The following KATNB1 variants were observed in gnomAD, a reference collection of about 807,000 sequenced individuals.
KATNB1 encodes katanin regulatory subunit B1.
In KATNB1, 38 loss-of-function variants were observed where a neutral mutation model predicts 82.3. The observed-to-expected ratio is 0.46, with a 90% CI of 0.36 to 0.61. The LOEUF (loss-of-function observed/expected upper bound fraction) is 0.61, where lower values mean the gene tolerates loss of function less well. Among genes scored for constraint, KATNB1 ranks in the 20% least tolerant of loss-of-function variants. KATNB1 has a pLI of 0.00. For missense variants in KATNB1, 749 were observed against 915.7 expected (o/e 0.82, Z 2.35); for synonymous variants, 361 against 368.7 (o/e 0.98, Z 0.24).
Position 57,748,261 on chromosome 16 carries a change from C to A in KATNB1, c.290-2566C>A, listed in dbSNP as rs1246137708. On this transcript the variant is annotated intron_variant, in intron 4 of 19. Coordinates refer to ENST00000379661, the MANE Select transcript of KATNB1 (RefSeq NM_005886.3). ...AGCTAAGACCTCCGGCCCCCCTCCA[C>A]ACCCCCTCGCCAGAGTGCAGGTGAC... 3.3e-5 allele frequency among the ~76,000 whole-genome samples: 5 copies of A among 152,232 alleles called. No individual in the cohort carries two copies. In the East Asian group the frequency reaches 9.7e-4, roughly 29 times the overall value.
At chr16:57,754,697 G>A (rs1451002402) in intron 13 of KATNB1, among the ~76,000 whole-genome samples, 1 of 152,122 alleles carries the variant, frequency 6.6e-6, no homozygotes, top group African/African-American at 2.4e-5. Flanking sequence ...ACATCCTAGA[G>A]CCCCCTGGGT....
rs141797415 is a variant in KATNB1 at position 57,755,909 on chromosome 16, C to T, written c.1635C>T (p.Asn545=). The T allele has an allele frequency of 1.3e-3, 2,011 of 1,599,310 alleles. 8 individuals carry two copies. The highest frequency in any genetic ancestry group is 2.5e-3 in the South Asian group (222 of 90,386). ...TGGTGGACCTCCTGAACATCGTCAA[C>T]CAGAAAGCGTAAGTGGCTGCAGAGG... The part of the protein sequence containing the change: ...SVVVDLLNIV[N]QKASLWKLDL... Residue 545 remains asparagine, a synonymous_variant, in exon 17 of 20, where the codon AAC becomes AAT. Transcript: ENST00000379661.
At chr16:57,744,258 G>A (rs1555580609) in intron 3 of KATNB1, 136 bp from the exon 4 acceptor site, 2 of 715,438 alleles carry the variant, frequency 2.8e-6, no homozygotes, top group Non-Finnish European at 4.8e-6. Flanking sequence ...AGGAGGGCTA[G>A]GCTGTGGCCC....
At chr16:57,752,443 G>A (rs1567901464) in intron 8 of KATNB1, 87 bp from the exon 9 acceptor site, 5 of 1,248,492 alleles carry the variant, frequency 4.0e-6, no homozygotes, top group South Asian at 2.6e-5. Flanking sequence ...TGGGGGAGAG[G>A]TTTCTAGAGA....
intron 4 of KATNB1, 128 bp from the exon 5 acceptor site, chr16:57,750,697 ATG>A (rs1453829410): frequency 1.4e-6 from 1 of 709,094 alleles, no homozygotes; most frequent in African/African-American, 1.7e-5. Context: ...TGTTTTAAAA[ATG>A]TGTGTTATTG....
rs782211311 is a variant in KATNB1, at chr16:57,756,080, A to G, written c.1718+14A>G. 3 of 1,603,190 alleles carry G rather than the reference A, an allele frequency of 1.9e-6. No individual in the cohort carries two copies. The highest frequency in any genetic ancestry group is 1.1e-5 in the South Asian group (1 of 91,076). ...CAAGTATGAGAGGTGCGTGTGGGGA[A>G]GCCATGCCTGCCTGAAGCAGGGGGA... On this transcript the variant is annotated intron_variant, in intron 18 of 19. Coordinates refer to ENST00000379661, the MANE Select transcript of KATNB1 (RefSeq NM_005886.3).
chr16:57,752,435 GGGGAGAGGTTTCTAGA>G, intron 8 of KATNB1, 79 bp from the exon 9 acceptor site: 1 of 1,156,026 alleles, frequency 8.7e-7, no homozygotes, highest in Non-Finnish European at 1.3e-6. Flanking sequence ...CCCTGCCCTG[GGGGAGAGGTTTCTAGA>G]GAAAAGCTGG....
Position 57,755,441 on chromosome 16 carries a change from C to T in KATNB1, c.1513C>T (p.Arg505Cys), listed in dbSNP as rs373753943. ...HDTMCVVLTS[R>C]HKNLDTVRAV... ...CACCATGTGTGTGGTGCTCACCAGC[C>T]GCCACAAGAACCTGGACACTGTGCG... Residue 505 changes from arginine to cysteine, a missense_variant, in exon 16 of 20, where the codon CGC becomes TGC. Transcript: ENST00000379661. 5 of 1,613,310 alleles carry T rather than the reference C, an allele frequency of 3.1e-6. No individual in the cohort carries two copies. The highest frequency in any genetic ancestry group is 2.2e-5 in the East Asian group (1 of 44,900).
In KATNB1 at chr16:57,736,421, G is replaced by A. The variant is rs1246877184; in HGVS notation, c.-266-557G>A. On this transcript the variant is annotated intron_variant, in intron 1 of 19. Transcript: ENST00000379661. ...TGAGGAGGCCTTTTAGAGTTGAAGA[G>A]TCATAGCCACTTACGCCCAGACTGG... Among the ~76,000 whole-genome samples, 6 of 152,280 alleles carry A rather than the reference G, an allele frequency of 3.9e-5. No homozygotes were observed. The East Asian group carries it at 1.2e-3, about 29-fold the overall frequency.
chr16:57,737,391 C>G, intron 2 of KATNB1, 108 bp downstream of exon 2: 1 of 1,243,398 alleles, frequency 8.0e-7, no homozygotes, highest in Non-Finnish European at 1.2e-6. Context: ...CAGGAGGAGA[C>G]TCCTAGACTT....
chr16:57,755,262 CATGGGTGGAGGTCT>C (rs1555585430), intron 15 of KATNB1, 24 bp downstream of exon 15: 1 of 1,610,602 alleles, frequency 6.2e-7, no homozygotes, highest in South Asian at 1.1e-5. Flanking sequence ...CAGCTCGAGG[CATGGGTGGAGGTCT>C]GTGGGTGGAG....
At chr16:57,746,444 G>T (rs1297547915) in intron 4 of KATNB1, among the ~76,000 whole-genome samples, 1 of 152,178 alleles carries the variant, frequency 6.6e-6, no homozygotes, top group Non-Finnish European at 1.5e-5. Flanking sequence ...CTTGGGGTGG[G>T]TCTGCTTCCA....
chr16:57,741,626 C>G (rs569364384), intron 2 of KATNB1, 61 bp from the exon 3 acceptor site: 3 of 1,556,024 alleles, frequency 1.9e-6, no homozygotes, highest in Admixed American at 3.6e-5. Flanking sequence ...CAGGGTCACC[C>G]CTCCTTCACA....
rs141702977 is a variant in KATNB1, at chr16:57,742,336, A to G, written c.171+519A>G. Among the ~76,000 whole-genome samples, 1,114 of 152,386 alleles carry G rather than the reference A, an allele frequency of 7.3e-3. 14 individuals are homozygous for G. The highest frequency in any genetic ancestry group is 0.026 in the African/African-American group (1,061 of 41,588). Reference sequence around the variant, plus strand: ...CACTATTTATGCAGCTATATGTTCAATGCTGGAAACTGTTTTCCAAATAGG... The same window carrying G: ...CACTATTTATGCAGCTATATGTTCAGTGCTGGAAACTGTTTTCCAAATAGG... On this transcript the variant is annotated intron_variant, in intron 3 of 19. Coordinates refer to ENST00000379661, the MANE Select transcript of KATNB1 (RefSeq NM_005886.3).
intron 4 of KATNB1, among the ~76,000 whole-genome samples, chr16:57,746,236 G>A (rs2049183113): frequency 6.6e-6 from 1 of 152,008 alleles, no homozygotes; most frequent in African/African-American, 2.4e-5. Flanking sequence ...AATTTGGAAG[G>A]TGCAGCTTTT....
intron 17 of KATNB1, 21 bp from the exon 18 acceptor site, chr16:57,755,971 G>GC: frequency 6.2e-7 from 1 of 1,613,118 alleles, no homozygotes; most frequent in South Asian, 1.1e-5. Context: ...GCTGATGGCA[G>GC]CATGTCCTGG....
intron 4 of KATNB1, among the ~76,000 whole-genome samples, chr16:57,746,534 C>A (rs1391201946): frequency 1.3e-5 from 2 of 152,232 alleles, no homozygotes; most frequent in South Asian, 4.1e-4. Context: ...AGCGGAGAGT[C>A]TCGCCCACTG....
At chr16:57,744,541 G>C in intron 4 of KATNB1, 30 bp downstream of exon 4, 1 of 1,525,900 alleles carries the variant, frequency 6.6e-7, no homozygotes, top group Non-Finnish European at 9.1e-7. Flanking sequence ...TCCTGTGCAC[G>C]CACACCTGCC....
At chr16:57,752,497 AG>A (rs2049236356) in intron 8 of KATNB1, 32 bp from the exon 9 acceptor site, 1 of 1,547,354 alleles carries the variant, frequency 6.5e-7, no homozygotes, top group Non-Finnish European at 8.8e-7. Flanking sequence ...GATGAGGGAT[AG>A]GCTTCGCAGC....
Sources: gnomAD v4.1 joint callset for allele counts (sites outside exome capture counted in the v4.1 genomes callset) on GRCh38, gnomAD v4.1.1 for gene constraint, MANE v1.5 for transcripts, NCBI Gene and HGNC (gene_info 2026-07-23, HGNC 2026-07-21) for gene names.